Variants in NLGN1 observed in about 807,000 individuals in gnomAD.
The protein encoded by NLGN1 is neuroligin-1.
Under a neutral mutation model 65.5 loss-of-function variants are expected in NLGN1, and 12 were observed. The observed-to-expected ratio is 0.18, with a 90% CI of 0.12 to 0.30. The LOEUF (loss-of-function observed/expected upper bound fraction) is 0.30, where lower values mean the gene tolerates loss of function less well. NLGN1 is among the 10% of genes least tolerant of loss of function. The probability of loss-of-function intolerance (pLI) is 1.00; values close to 1 mark genes in which losing one functional copy is unlikely to be tolerated. For synonymous variants in NLGN1, 350 were observed against 359.5 expected, an observed-to-expected ratio of 0.97 and a Z score of 0.30; for missense variants, 750 against 1,007.1, an observed-to-expected ratio of 0.74 and a Z score of 3.46.
chr3:173,672,340 C>T (rs1762557159), intron 3 of NLGN1, among the ~76,000 whole-genome samples: 2 of 152,074 alleles, frequency 1.3e-5, no homozygotes, highest in Non-Finnish European at 2.9e-5. Context: ...TTGATCCATA[C>T]CTGTGAGGCA....
At chr3:173,896,224 G>A (rs1736329928) in intron 4 of NLGN1, among the ~76,000 whole-genome samples, 1 of 151,670 alleles carries the variant, frequency 6.6e-6, no homozygotes, top group South Asian at 2.1e-4. Flanking sequence ...CCTATGATAA[G>A]TGCTTCTTAA....
At chr3:173,724,617 CAG>C (rs1771449904) in intron 3 of NLGN1, 1 of 152,788 alleles carries the variant, frequency 6.5e-6, no homozygotes, top group African/African-American at 2.4e-5. Context: ...TTGTGGAAGA[CAG>C]TGTGGTGATT....
intron 2 of NLGN1, among the ~76,000 whole-genome samples, chr3:173,556,014 C>A (rs919446147): frequency 6.6e-6 from 1 of 152,142 alleles, no homozygotes; most frequent in African/African-American, 2.4e-5. Context: ...TTTTAATTTT[C>A]TCCATCGCTT....
intron 2 of NLGN1, among the ~76,000 whole-genome samples, chr3:173,560,542 T>G (rs1379979716): frequency 6.6e-6 from 1 of 152,028 alleles, no homozygotes; most frequent in Admixed American, 6.6e-5. Flanking sequence ...TTTTTATTAT[T>G]CTAGCTTCAA....
chr3:173,866,569 T>C (rs1163672908), intron 4 of NLGN1, among the ~76,000 whole-genome samples: 1 of 152,218 alleles, frequency 6.6e-6, no homozygotes, highest in East Asian at 1.9e-4. Flanking sequence ...ATTGAATTTT[T>C]CAAATTGACT....
intron 4 of NLGN1, among the ~76,000 whole-genome samples, chr3:174,126,161 G>C (rs749133576): frequency 1.3e-5 from 2 of 152,038 alleles, no homozygotes; most frequent in African/African-American, 4.8e-5. Flanking sequence ...TCCCTTTCTT[G>C]AACTGGATTT....
intron 4 of NLGN1, among the ~76,000 whole-genome samples, chr3:173,847,576 A>G (rs1726023711): frequency 6.6e-6 from 1 of 152,196 alleles, no homozygotes; most frequent in African/African-American, 2.4e-5. Context: ...ATTTGTTTTC[A>G]TTATCAGAAG....
chr3:173,879,649 TATC>T (rs1732850749), intron 4 of NLGN1, among the ~76,000 whole-genome samples: 1 of 151,940 alleles, frequency 6.6e-6, no homozygotes. Context: ...TTTTTTTTTT[TATC>T]TAATTTGGAT....
chr3:173,518,283 C>CT (rs539964532), intron 2 of NLGN1, among the ~76,000 whole-genome samples: 19 of 148,436 alleles, frequency 1.3e-4, no homozygotes, highest in East Asian at 3.9e-4. Context: ...CATATGTTGA[C>CT]TTTTTTTTTT....
At chr3:173,498,786 T>C (rs376095218) in intron 2 of NLGN1, among the ~76,000 whole-genome samples, 4 of 151,604 alleles carry the variant, frequency 2.6e-5, no homozygotes, top group East Asian at 3.9e-4. Flanking sequence ...GTTTTGATTT[T>C]CATTTCTCTG....
At chr3:173,460,063 A>G (rs1313858548) in intron 2 of NLGN1, among the ~76,000 whole-genome samples, 1 of 152,110 alleles carries the variant, frequency 6.6e-6, no homozygotes, top group African/African-American at 2.4e-5. Flanking sequence ...TTTTTAATTA[A>G]CATATTAATT....
chr3:173,607,310 C>G (rs1413942843), intron 3 of NLGN1, among the ~76,000 whole-genome samples: 1 of 151,824 alleles, frequency 6.6e-6, no homozygotes, highest in Non-Finnish European at 1.5e-5. Context: ...TCTATCAATG[C>G]CCACTTGAGC....
intron 4 of NLGN1, among the ~76,000 whole-genome samples, chr3:173,941,592 T>G (rs1185359867): frequency 1.3e-5 from 2 of 152,010 alleles, no homozygotes; most frequent in Non-Finnish European, 1.5e-5. Flanking sequence ...TGCTGGATGT[T>G]CAAATAAACA....
intron 3 of NLGN1, among the ~76,000 whole-genome samples, chr3:173,626,596 T>C (rs1004665768): frequency 1.3e-5 from 2 of 152,102 alleles, no homozygotes; most frequent in African/African-American, 2.4e-5. Context: ...TAATATTTTT[T>C]AGAAATATAA....
chr3:174,018,271 C>T (rs1389187036), intron 4 of NLGN1, among the ~76,000 whole-genome samples: 1 of 152,002 alleles, frequency 6.6e-6, no homozygotes, highest in Non-Finnish European at 1.5e-5. Context: ...ATTGTTTAAA[C>T]AATTTGTGCA....
chr3:173,934,484 A>G (rs1340199402), intron 4 of NLGN1, among the ~76,000 whole-genome samples: 1 of 151,898 alleles, frequency 6.6e-6, no homozygotes, highest in East Asian at 1.9e-4. Context: ...CACAGGTTAC[A>G]TTAATATTAG....
intron 4 of NLGN1, among the ~76,000 whole-genome samples, chr3:174,029,609 A>T (rs1239673745): frequency 2.0e-5 from 3 of 152,018 alleles, no homozygotes; most frequent in African/African-American, 4.8e-5. Flanking sequence ...TGGTTTTGAA[A>T]TGTGAGGATA....
chr3:174,165,927 A>G lies in NLGN1; in HGVS notation c.647-109388A>G, dbSNP rs552066273. Among the ~76,000 whole-genome samples, 5 of 151,850 alleles carry G rather than the reference A, an allele frequency of 3.3e-5. No individual in the cohort carries two copies. In the East Asian group the frequency reaches 5.8e-4, roughly 18 times the overall value. On this transcript the variant is annotated intron_variant, in intron 4 of 6. Coordinates refer to ENST00000457714, the Ensembl canonical transcript of NLGN1. The stretch of plus-strand genomic sequence containing the variant: ...TTCCTTCCTGATTCAATCGTGGGAG[A>G]TGGTGTGTTTTCAGAAATTTATCCA...
chr3:174,107,285 C>G (rs1381084439), intron 4 of NLGN1, among the ~76,000 whole-genome samples: 1 of 152,106 alleles, frequency 6.6e-6, no homozygotes, highest in Admixed American at 6.6e-5. Flanking sequence ...CCAGCTCCAC[C>G]CTCTCCTAAA....
Sources: gnomAD v4.1 joint callset for allele counts (sites outside exome capture counted in the v4.1 genomes callset) on GRCh38, gnomAD v4.1.1 for gene constraint, MANE v1.5 for transcripts, NCBI Gene and HGNC (gene_info 2026-07-23, HGNC 2026-07-21) for gene names.